RPS6KA4: variants seen among roughly 807,000 people sequenced by gnomAD.
RPS6KA4 encodes the protein ribosomal protein S6 kinase alpha-4.
In RPS6KA4, 38 loss-of-function variants were observed where a neutral mutation model predicts 89.6. The observed-to-expected ratio is 0.42, with a 90% CI of 0.33 to 0.56. RPS6KA4 has a LOEUF of 0.56. RPS6KA4 is among the 20% of genes least tolerant of loss of function. The pLI, the probability that RPS6KA4 is intolerant of heterozygous loss-of-function variation, is 0.07. For missense variants in RPS6KA4, 873 were observed against 1,098.8 expected (o/e 0.79, Z 2.90); for synonymous variants, 495 against 492.8 (o/e 1.00, Z -0.06).
rs116091892 is a variant in RPS6KA4, at chr11:64,368,839, A to G, written c.1428+42A>G. On this transcript the variant is annotated intron_variant, in intron 12 of 16. Transcript: ENST00000334205. Reference sequence around the variant, plus strand: ...AGGGGAGGGCGGAGAGAAAAGGGGCAGGCGGCGGGGCTTGGGGGCACTATG... The same window carrying G: ...AGGGGAGGGCGGAGAGAAAAGGGGCGGGCGGCGGGGCTTGGGGGCACTATG... 2.2e-3 allele frequency: 1,979 copies of G among 916,784 alleles called. 33 individuals are homozygous for G. The African/African-American group carries it at 0.034, about 16-fold the overall frequency. 56.8% of individuals were successfully genotyped at this position (916,784 alleles called of 1,614,324 possible). A position where few individuals can be genotyped will look rare whatever the true frequency, so the allele number is the denominator to read the frequency against.
intron 2 of RPS6KA4, chr11:64,359,880 C>A: frequency 1.8e-6 from 1 of 562,986 alleles, no homozygotes; most frequent in Non-Finnish European, 3.1e-6. Flanking sequence ...TGATCTCTCG[C>A]AGGTTTGCAT....
intron 9 of RPS6KA4, among the ~76,000 whole-genome samples, chr11:64,366,037 T>G (rs968813522): frequency 7.0e-6 from 1 of 142,442 alleles, no homozygotes; most frequent in Non-Finnish European, 1.5e-5. Flanking sequence ...AAACTCCGTC[T>G]CAAAAAAAAA....
Position 64,362,528 on chromosome 11 carries a change from T to C in RPS6KA4, c.906+526T>C, listed in dbSNP as rs554201862. On this transcript the variant is annotated intron_variant, in intron 8 of 16. Transcript: ENST00000334205. ...GGAGCACACACATGTTAGAGTGCAG[T>C]GCAGAGTGAATCTGGCCATGCGAGA... Among the ~76,000 whole-genome samples the C allele has an allele frequency of 3.8e-4, 58 of 152,222 alleles. 1 individual carries two copies. Among genetic ancestry groups the C allele is most frequent in the Non-Finnish European group, 6.9e-4 (47 of 68,042 alleles).
At chr11:64,363,124 G>A (rs1451613023) in intron 8 of RPS6KA4, among the ~76,000 whole-genome samples, 1 of 152,084 alleles carries the variant, frequency 6.6e-6, no homozygotes, top group Non-Finnish European at 1.5e-5. Context: ...CTTAAGTGTA[G>A]GCATCAGATT....
chr11:64,371,101 CAAAAAAAA>C (rs374004148), intron 16 of RPS6KA4, among the ~76,000 whole-genome samples, 174 bp from the exon 17 acceptor site: 6 of 88,782 alleles, frequency 6.8e-5, no homozygotes, highest in Non-Finnish European at 1.2e-4. Context: ...GAGACTCCGT[CAAAAAAAA>C]AAAAAAAAAA....
In RPS6KA4 at chr11:64,359,425, C is replaced by T. The variant is rs1403432467; in HGVS notation, c.103C>T (p.Leu35=). ...GAAGGTGAGCGTGGAGAACTTCGAG[C>T]TGCTCAAGGTGCTGGGCACGGGAGG... is the stretch of plus-strand genomic sequence containing the variant. The part of the protein sequence containing the change: ...EEKVSVENFE[L]LKVLGTGAYG... The change falls in exon 2 of 17, where the codon CTG becomes TTG. Residue 35 remains leucine, a synonymous_variant. Coordinates refer to ENST00000334205, the MANE Select transcript of RPS6KA4 (RefSeq NM_003942.3). The T allele has an allele frequency of 3.1e-6, 5 of 1,613,600 alleles. No homozygotes were observed. Among genetic ancestry groups the T allele is most frequent in the Non-Finnish European group, 4.2e-6 (5 of 1,179,750 alleles).
At chr11:64,359,745 T>G in intron 2 of RPS6KA4, 1 of 539,654 alleles carries the variant, frequency 1.9e-6, no homozygotes, top group Non-Finnish European at 3.3e-6. Flanking sequence ...CTCCTCCCTT[T>G]CTTCCAATAT....
At position 64,368,150 on chromosome 11, in the gene RPS6KA4, C is replaced by T. The variant is rs1258902660; in HGVS notation, c.1090C>T (p.Pro364Ser). 5 of 1,613,560 alleles carry T rather than the reference C, an allele frequency of 3.1e-6. No individual in the cohort carries two copies. The Admixed American group carries it at 8.3e-5, about 27-fold the overall frequency. The change falls in exon 10 of 17, where the codon CCC becomes TCC. Residue 364 changes from proline to serine, a missense_variant. Transcript: ENST00000334205. ...CCTGCAGGGATACTCCTTTGTGGCACCCTCCATTCTCTTTGACCACAACAA... is the reference window on the plus strand; with the variant it reads ...CCTGCAGGGATACTCCTTTGTGGCATCCTCCATTCTCTTTGACCACAACAA... Reference protein sequence around the residue: ...RIFQGYSFVAPSILFDHNNAV... With the variant: ...RIFQGYSFVASSILFDHNNAV...
rs779597166 is a variant in RPS6KA4 at position 64,360,209 on chromosome 11, G to A, written c.174G>A (p.Ala58=). The A allele has an allele frequency of 1.9e-6, 3 of 1,548,200 alleles. No homozygotes were observed. Among genetic ancestry groups the A allele is most frequent in the African/African-American group, 1.4e-5 (1 of 73,000 alleles). The change falls in exon 3 of 17, where the codon GCG becomes GCA. Residue 58 remains alanine (A), a synonymous_variant. Coordinates refer to ENST00000334205, the MANE Select transcript of RPS6KA4 (RefSeq NM_003942.3). ...TGCGGAAGGCGGGCGGGCACGACGCGGGGAAGCTGTACGCCATGAAGGTGC... is the reference window on the plus strand; with the variant it reads ...TGCGGAAGGCGGGCGGGCACGACGCAGGGAAGCTGTACGCCATGAAGGTGC... ...FLVRKAGGHD[A]GKLYAMKVLR... is the part of the protein sequence containing the mutation.
chr11:64,359,541 C>G (rs2036684261), intron 2 of RPS6KA4, 92 bp downstream of exon 2: 1 of 1,357,648 alleles, frequency 7.4e-7, no homozygotes. Flanking sequence ...GGCCACTGAG[C>G]AGGCCCCCCA....
At chr11:64,359,834 C>T (rs933859451) in intron 2 of RPS6KA4, 1 of 543,300 alleles carries the variant, frequency 1.8e-6, no homozygotes, top group African/African-American at 1.9e-5. Context: ...ACACCTCTGC[C>T]TCCCTTCCTT....
Position 64,370,672 on chromosome 11 carries a change from C to G in RPS6KA4, c.2067C>G (p.Asp689Glu), listed in dbSNP as rs1353671388. 6.4e-7 allele frequency: 1 copy of G among 1,571,966 alleles called. No homozygotes were observed. Among genetic ancestry groups the G allele is most frequent in the Admixed American group, 1.8e-5 (1 of 57,106 alleles). Residue 689 changes from aspartate (D) to glutamate (E), a missense_variant, in exon 16 of 17, where the codon GAC becomes GAG. Physicochemically the swap from Asp to Glu is conservative, Grantham distance 45. This residue lies in a region of RPS6KA4 where 278 missense variants were observed against 284.8 expected (regional missense o/e 0.98). Transcript: ENST00000334205. The surrounding 1 kb of genome is among the most constrained non-coding windows in gnomAD (Gnocchi z 4.1). ...ARSSPPLRTP[D>E]VLESSGPAVR... ...CCTCGCCCCCGCTCCGGACGCCCGA[C>G]GTGCTCGAGTCCTCTGGGCCCGCAG...
At chr11:64,364,736 CTT>C (rs34398206) in intron 8 of RPS6KA4, among the ~76,000 whole-genome samples, 37,384 of 121,544 alleles carry the variant, frequency 0.31, 6,115 homozygotes, top group Non-Finnish European at 0.39. Context: ...CACGCCAACT[CTT>C]TTTTTTTTTT....
At chr11:64,368,671 G>T in intron 11 of RPS6KA4, 33 bp from the exon 12 acceptor site, 1 of 1,573,024 alleles carries the variant, frequency 6.4e-7, no homozygotes. Context: ...GCCGAAGCGC[G>T]GCGACCGTAA....
chr11:64,362,077 C>T (rs913519333), intron 8 of RPS6KA4, 75 bp downstream of exon 8: 3 of 1,503,870 alleles, frequency 2.0e-6, no homozygotes, highest in South Asian at 2.5e-5. Flanking sequence ...GAGGTTGTGC[C>T]TGGCCAGTTT....
intron 2 of RPS6KA4, chr11:64,359,671 C>T (rs1328377638): frequency 3.6e-6 from 2 of 548,974 alleles, no homozygotes; most frequent in Non-Finnish European, 3.2e-6. Context: ...TGCGTGCATA[C>T]CCCCCTGGAT....
rs903961196 is a variant in RPS6KA4, at chr11:64,359,675, C to G, written c.127+226C>G. The G allele has an allele frequency of 8.6e-6, 5 of 581,108 alleles. No homozygotes were observed. The African/African-American group carries it at 9.4e-5, about 11-fold the overall frequency. The allele number at this position is 581,108 out of a possible 1,614,324, so 36.0% of individuals were successfully genotyped here. Reference sequence around the variant, plus strand: ...CCACGGTCCTGTGCGTGCATACCCCCCTGGATTTGCCAACACCCTGGGGAG... The same window carrying G: ...CCACGGTCCTGTGCGTGCATACCCCGCTGGATTTGCCAACACCCTGGGGAG... On this transcript the variant is annotated intron_variant, in intron 2 of 16. Coordinates refer to ENST00000334205, the MANE Select transcript of RPS6KA4 (RefSeq NM_003942.3).
chr11:64,366,513 A>C (rs1383569006), intron 9 of RPS6KA4, among the ~76,000 whole-genome samples: 2 of 151,972 alleles, frequency 1.3e-5, no homozygotes, highest in East Asian at 3.9e-4. Context: ...GACAAGTCCA[A>C]ACTCCCTTTG....
chr11:64,364,519 TA>T (rs1351587669), intron 8 of RPS6KA4, among the ~76,000 whole-genome samples: 1 of 152,128 alleles, frequency 6.6e-6, no homozygotes, highest in Non-Finnish European at 1.5e-5. Flanking sequence ...AGCTTAAACA[TA>T]AATGGGCATG....
Sources: allele counts gnomAD v4.1 joint callset (sites outside exome capture counted in the v4.1 genomes callset), GRCh38; gene constraint gnomAD v4.1.1; regional missense constraint gnomAD v4.1.1; non-coding constraint Gnocchi (gnomAD v3.1); transcripts MANE v1.5; gene names NCBI Gene and HGNC (gene_info 2026-07-23, HGNC 2026-07-21).